Variants in FOXO1 observed in about 807,000 individuals in gnomAD.
FOXO1 encodes the protein forkhead box O1.
Under a neutral mutation model 44.1 loss-of-function variants are expected in FOXO1, and 6 were observed. The observed-to-expected ratio is 0.14, with a 90% CI of 0.07 to 0.27. FOXO1 has a LOEUF of 0.27. FOXO1 is among the 10% of genes least tolerant of loss of function. FOXO1 has a pLI of 1.00. For missense variants in FOXO1, 737 were observed against 888.8 expected, an observed-to-expected ratio of 0.83 and a Z score of 2.17; for synonymous variants, 380 against 362.7, an observed-to-expected ratio of 1.05 and a Z score of -0.54.
At chr13:40,561,250 G>A (rs982885640) in intron 1 of FOXO1, among the ~76,000 whole-genome samples, 1 of 151,590 alleles carries the variant, frequency 6.6e-6, no homozygotes, top group Non-Finnish European at 1.5e-5. Context: ...TACTCGGGAG[G>A]CTGGGGCAGG....
At chr13:40,655,269 G>C (rs1278437964) in intron 1 of FOXO1, among the ~76,000 whole-genome samples, 1 of 150,186 alleles carries the variant, frequency 6.7e-6, no homozygotes, top group Non-Finnish European at 1.5e-5. Flanking sequence ...AGAATCGCTT[G>C]AACCTGGGAG....
intron 1 of FOXO1, among the ~76,000 whole-genome samples, chr13:40,631,128 G>A (rs917150052): frequency 1.3e-5 from 2 of 152,222 alleles, no homozygotes; most frequent in African/African-American, 4.8e-5. Context: ...AGGGCCAAGA[G>A]AGGCTGGACT....
intron 1 of FOXO1, chr13:40,619,661 A>G (rs1250367438): frequency 3.3e-6 from 5 of 1,520,524 alleles, no homozygotes; most frequent in East Asian, 4.5e-5. Context: ...GTGAATTTCA[A>G]TGGTGGTAGT....
chr13:40,583,776 A>G (rs1462682728), intron 1 of FOXO1, among the ~76,000 whole-genome samples: 1 of 152,220 alleles, frequency 6.6e-6, no homozygotes, highest in African/African-American at 2.4e-5. Context: ...GATCAGCAAT[A>G]AGGCTGTTTT....
At chr13:40,653,517 T>C (rs1415963951) in intron 1 of FOXO1, among the ~76,000 whole-genome samples, 2 of 152,220 alleles carry the variant, frequency 1.3e-5, no homozygotes, top group African/African-American at 4.8e-5. Flanking sequence ...CAAAGCCCAG[T>C]GCCTCCCGGC....
chr13:40,562,418 A>C (rs984628009), intron 1 of FOXO1, among the ~76,000 whole-genome samples: 3 of 152,172 alleles, frequency 2.0e-5, no homozygotes, highest in African/African-American at 7.2e-5. Context: ...TTACTTACCT[A>C]GGTGACCTTG....
At chr13:40,651,890 G>A (rs1027279644) in intron 1 of FOXO1, among the ~76,000 whole-genome samples, 3 of 152,110 alleles carry the variant, frequency 2.0e-5, no homozygotes, top group African/African-American at 7.2e-5. Flanking sequence ...GGCCACTGAA[G>A]AGAAAATTAA....
In FOXO1 at chr13:40,654,870, T is replaced by TACCTC. The variant is rs567483886; in HGVS notation, c.630+10708_630+10712dup. Among the ~76,000 whole-genome samples the TACCTC allele has an allele frequency of 5.9e-5, 9 of 152,198 alleles. No individual in the cohort carries two copies. In the East Asian group the frequency reaches 1.7e-3, roughly 29 times the overall value. The stretch of plus-strand genomic sequence containing the variant: ...ATAGGCTATCTTGAAAGAAATGATC[T>TACCTC]ACCTCCCTTCCCTGAGGGAGATAAG... On this transcript the variant is annotated intron_variant, in intron 1 of 2. Coordinates refer to ENST00000379561, the MANE Select transcript of FOXO1 (RefSeq NM_002015.4).
chr13:40,619,544 G>A (rs1876539764), intron 1 of FOXO1: 2 of 1,384,498 alleles, frequency 1.4e-6, no homozygotes, highest in Non-Finnish European at 2.1e-6. Context: ...GAAATTCATG[G>A]AGATTATACA....
intron 1 of FOXO1, among the ~76,000 whole-genome samples, chr13:40,614,007 C>T (rs1876327014): frequency 6.6e-6 from 1 of 152,176 alleles, no homozygotes; most frequent in Admixed American, 6.5e-5. Flanking sequence ...CTGGCAGTTG[C>T]CTTTCTTCTA....
At chr13:40,655,053 C>T (rs780188233) in intron 1 of FOXO1, among the ~76,000 whole-genome samples, 1 of 152,022 alleles carries the variant, frequency 6.6e-6, no homozygotes, top group Non-Finnish European at 1.5e-5. Flanking sequence ...CAATAGTGGT[C>T]GGCAGGGCGT....
chr13:40,639,705 T>TC (rs1292940319), intron 1 of FOXO1, among the ~76,000 whole-genome samples: 1 of 152,104 alleles, frequency 6.6e-6, no homozygotes, highest in Non-Finnish European at 1.5e-5. Flanking sequence ...TAGCAACACA[T>TC]CCCCACCCAA....
intron 1 of FOXO1, among the ~76,000 whole-genome samples, chr13:40,593,995 G>A (rs1214797770): frequency 6.6e-6 from 1 of 152,128 alleles, no homozygotes; most frequent in African/African-American, 2.4e-5. Context: ...AATGATCCAA[G>A]GTTTTCTAAT....
rs1038750474 is a variant in FOXO1, at chr13:40,560,893, T to C, written c.631-33A>G. The C allele has an allele frequency of 6.4e-7, 1 of 1,552,526 alleles. No individual in the cohort carries two copies. The highest frequency in any genetic ancestry group is 1.2e-5 in the South Asian group (1 of 81,596). On this transcript the variant is annotated intron_variant, in intron 1 of 2. Coordinates refer to ENST00000379561, the MANE Select transcript of FOXO1 (RefSeq NM_002015.4). The surrounding 1 kb of genome is among the most constrained non-coding windows in gnomAD (Gnocchi z 5.1). ...GCAAAACATCTTATTAGAAGTACAATACTTCTCTGCTTGCAAAACTTCCTA... is the reference window on the plus strand; with the variant it reads ...GCAAAACATCTTATTAGAAGTACAACACTTCTCTGCTTGCAAAACTTCCTA...
chr13:40,632,587 G>GA (rs886235272), intron 1 of FOXO1, among the ~76,000 whole-genome samples: 2 of 151,698 alleles, frequency 1.3e-5, no homozygotes, highest in Non-Finnish European at 2.9e-5. Context: ...GCAGTGAGCT[G>GA]AGATAGTGCC....
intron 1 of FOXO1, among the ~76,000 whole-genome samples, chr13:40,629,091 A>G (rs1425434564): frequency 6.6e-6 from 1 of 152,120 alleles, no homozygotes; most frequent in Non-Finnish European, 1.5e-5. Flanking sequence ...TTGGATCACA[A>G]TGGTTGAAGA....
intron 1 of FOXO1, among the ~76,000 whole-genome samples, chr13:40,617,593 C>G (rs967291092): frequency 6.6e-6 from 1 of 151,920 alleles, no homozygotes; most frequent in Non-Finnish European, 1.5e-5. Flanking sequence ...CTAATAGAGA[C>G]ACAGAGCCAC....
intron 1 of FOXO1, among the ~76,000 whole-genome samples, chr13:40,613,254 T>A (rs1179295459): frequency 6.6e-6 from 1 of 152,168 alleles, no homozygotes; most frequent in East Asian, 1.9e-4. Flanking sequence ...AGAACAGCTA[T>A]AAGTAAAAGA....
chr13:40,613,430 A>T (rs1415180006), intron 1 of FOXO1, among the ~76,000 whole-genome samples: 1 of 152,078 alleles, frequency 6.6e-6, no homozygotes, highest in African/African-American at 2.4e-5. Context: ...TAAAAAAAAA[A>T]AAGTTACCAC....
Sources: gnomAD v4.1 joint callset for allele counts (sites outside exome capture counted in the v4.1 genomes callset) on GRCh38, gnomAD v4.1.1 for gene constraint, Gnocchi (gnomAD v3.1) non-coding constraint, MANE v1.5 for transcripts, NCBI Gene and HGNC (gene_info 2026-07-23, HGNC 2026-07-21) for gene names.